CCDC7: variants seen among roughly 807,000 people sequenced by gnomAD.
CCDC7 encodes the protein coiled-coil domain-containing protein 7.
Under a neutral mutation model 196.9 loss-of-function variants are expected in CCDC7, and 183 were observed. The observed-to-expected ratio is 0.93, with a 90% confidence interval of 0.82 to 1.05. CCDC7 has a LOEUF of 1.05. Ranked by LOEUF, CCDC7 falls within the 50% of genes least tolerant of loss-of-function variation. CCDC7 has a pLI of 0.00. For missense variants in CCDC7, 1,540 were observed against 1,482.2 expected (o/e 1.04, Z -0.64); for synonymous variants, 525 against 484.6 (o/e 1.08, Z -1.10).
intron 5 of CCDC7, among the ~76,000 whole-genome samples, chr10:32,463,526 T>C (rs1371661882): frequency 6.6e-6 from 1 of 152,212 alleles, no homozygotes; most frequent in Non-Finnish European, 1.5e-5. Context: ...GAACTACTGG[T>C]CTCTGTCCTT....
chr10:32,759,677 G>A (rs1475965799), intron 28 of CCDC7, among the ~76,000 whole-genome samples: 5 of 152,156 alleles, frequency 3.3e-5, no homozygotes, highest in South Asian at 2.1e-4. Context: ...TCAGGACATA[G>A]GCATGGGCAA....
intron 28 of CCDC7, among the ~76,000 whole-genome samples, chr10:32,734,358 G>A (rs1399343259): frequency 6.6e-6 from 1 of 152,098 alleles, no homozygotes; most frequent in Non-Finnish European, 1.5e-5. Flanking sequence ...ACCAAATACT[G>A]CATGTTCTCA....
chr10:32,544,159 A>C (rs2052009981), intron 12 of CCDC7, 88 bp from the exon 14 acceptor site: 1 of 1,141,416 alleles, frequency 8.8e-7, no homozygotes, highest in Non-Finnish European at 1.2e-6. Flanking sequence ...CATTATTTTA[A>C]AATCGTTTAA....
At chr10:32,580,256 G>A (rs1326753912) in intron 16 of CCDC7, among the ~76,000 whole-genome samples, 1 of 151,956 alleles carries the variant, frequency 6.6e-6, no homozygotes, top group Non-Finnish European at 1.5e-5. Flanking sequence ...AACATTGTCA[G>A]CATAAGAATT....
At chr10:32,647,331 G>T (rs1262557580) in intron 20 of CCDC7, among the ~76,000 whole-genome samples, 1 of 151,978 alleles carries the variant, frequency 6.6e-6, no homozygotes, top group Non-Finnish European at 1.5e-5. Context: ...ACATGGTGAA[G>T]CCCTATCTCT....
intron 28 of CCDC7, among the ~76,000 whole-genome samples, chr10:32,764,985 A>G (rs1348146239): frequency 1.3e-5 from 2 of 150,670 alleles, no homozygotes; most frequent in Admixed American, 1.4e-4. Flanking sequence ...AGTGACACAA[A>G]TGGTCAGTCT....
rs534753039 is a variant in CCDC7, at chr10:32,696,875, C to T, written c.2458+1883C>T. Among the ~76,000 whole-genome samples, 227 of 152,186 alleles carry T rather than the reference C, an allele frequency of 1.5e-3. 2 individuals are homozygous for T. Among genetic ancestry groups the T allele is most frequent in the African/African-American group, 5.2e-3 (216 of 41,512 alleles). ...TTTGACATGTACAGGCCATTGCTTA[C>T]AGTATCACAATAAATGAAAAAAATT... On this transcript the variant is annotated intron_variant, in intron 24 of 41. Transcript: ENST00000639629.
At chr10:32,511,087 A>G (rs1293922064) in intron 9 of CCDC7, among the ~76,000 whole-genome samples, 2 of 152,106 alleles carry the variant, frequency 1.3e-5, no homozygotes, top group Non-Finnish European at 2.9e-5. Context: ...ATCAAAAGAG[A>G]TGGTAAATTA....
At chr10:32,853,964 A>C (rs2093658982) in intron 40 of CCDC7, among the ~76,000 whole-genome samples, 1 of 152,096 alleles carries the variant, frequency 6.6e-6, no homozygotes. Context: ...GAGGTTTGGG[A>C]TATGACTGGT....
At chr10:32,811,640 A>C (rs574206401) in intron 30 of CCDC7, among the ~76,000 whole-genome samples, 2 of 152,232 alleles carry the variant, frequency 1.3e-5, no homozygotes, top group African/African-American at 4.8e-5. Context: ...ATTTTTTCCA[A>C]ACCTTTAAAG....
At chr10:32,632,151 G>A (rs867460376) in intron 18 of CCDC7, among the ~76,000 whole-genome samples, 3 of 89,840 alleles carry the variant, frequency 3.3e-5, no homozygotes, top group Non-Finnish European at 6.8e-5. Context: ...GGGGGGGGGG[G>A]GTCTAATTTC....
At chr10:32,461,961 G>A (rs1301015332) in intron 3 of CCDC7, among the ~76,000 whole-genome samples, 1 of 151,190 alleles carries the variant, frequency 6.6e-6, no homozygotes, top group African/African-American at 2.4e-5. Context: ...TAGTAGAGAC[G>A]GGGTTTCTCC....
At chr10:32,857,235 A>G (rs952878478) in intron 41 of CCDC7, among the ~76,000 whole-genome samples, 1 of 152,176 alleles carries the variant, frequency 6.6e-6, no homozygotes, top group Non-Finnish European at 1.5e-5. Flanking sequence ...CAGTCTCCCC[A>G]AGGAAGCCAC....
At chr10:32,471,266 A>C in intron 6 of CCDC7, 36 bp downstream of exon 7, 1 of 1,593,878 alleles carries the variant, frequency 6.3e-7, no homozygotes. Flanking sequence ...AATTAAAAAC[A>C]GTAAGAAAGG....
intron 22 of CCDC7, among the ~76,000 whole-genome samples, chr10:32,688,653 T>C (rs1179003661): frequency 6.6e-6 from 1 of 152,214 alleles, no homozygotes; most frequent in East Asian, 1.9e-4. Flanking sequence ...ATAGTTGATA[T>C]TGTCATAGTT....
intron 23 of CCDC7, among the ~76,000 whole-genome samples, chr10:32,690,775 C>A (rs1217308231): frequency 6.6e-6 from 1 of 152,198 alleles, no homozygotes; most frequent in Non-Finnish European, 1.5e-5. Flanking sequence ...TTAAATGCCT[C>A]AGTTTCCATC....
intron 25 of CCDC7, among the ~76,000 whole-genome samples, chr10:32,718,903 G>A (rs1297933961): frequency 6.6e-6 from 1 of 152,154 alleles, no homozygotes; most frequent in Non-Finnish European, 1.5e-5. Context: ...AACATTCCAT[G>A]CTCATGGATA....
rs556135994 is a variant in CCDC7, at chr10:32,743,135, G to T, written c.2905+13678G>T. Among the ~76,000 whole-genome samples the T allele has an allele frequency of 5.3e-5, 8 of 152,228 alleles. No homozygotes were observed. In the East Asian group the frequency reaches 1.5e-3, roughly 29 times the overall value. On this transcript the variant is annotated intron_variant, in intron 28 of 41. Coordinates refer to ENST00000639629, the Ensembl canonical transcript of CCDC7. ...AGCTGCTGTAAACATCCATGTGCAGGTTTGTATATGGACATGTTTTCAATT... is the reference window on the plus strand; with the variant it reads ...AGCTGCTGTAAACATCCATGTGCAGTTTTGTATATGGACATGTTTTCAATT...
exon 22 of CCDC7, chr10:32,686,033 A>G: frequency 1.3e-6 from 2 of 1,584,964 alleles, no homozygotes; most frequent in Non-Finnish European, 1.7e-6. Context: ...TCAAAAACCA[A>G]ATTACAAATA....
Sources: allele counts gnomAD v4.1 joint callset (sites outside exome capture counted in the v4.1 genomes callset), GRCh38; gene constraint gnomAD v4.1.1; transcripts MANE v1.5; gene names NCBI Gene and HGNC (gene_info 2026-07-23, HGNC 2026-07-21).